The following ELMOD1 variants were observed in gnomAD, a reference collection of about 807,000 sequenced individuals.
ELMOD1 encodes the protein ELMO domain containing 1, also known as ELMO domain-containing protein 1.
Under a neutral mutation model 46.7 loss-of-function variants are expected in ELMOD1, and 21 were observed. The observed-to-expected ratio is 0.45, with a 90% CI of 0.32 to 0.65. The LOEUF is 0.65. Among genes scored for constraint, ELMOD1 ranks in the 30% least tolerant of loss-of-function variants. ELMOD1 has a pLI of 0.04. For synonymous variants in ELMOD1, 122 were observed against 138.2 expected, an observed-to-expected ratio of 0.88 and a Z score of 0.82; for missense variants, 348 against 407.8, an observed-to-expected ratio of 0.85 and a Z score of 1.26.
intron 1 of ELMOD1, among the ~76,000 whole-genome samples, chr11:107,613,542 C>T (rs1865814370): frequency 6.6e-6 from 1 of 152,182 alleles, no homozygotes; most frequent in Non-Finnish European, 1.5e-5. Flanking sequence ...ATATTGGACA[C>T]ATAAACATTC....
In ELMOD1 at chr11:107,628,188, G is replaced by A. The variant is rs977073739; in HGVS notation, c.18-2229G>A. The stretch of plus-strand genomic sequence containing the variant: ...TTTTGTTTTGTTTTGTTTTGTTTGA[G>A]ACAGAGTCTTGCTCTGTCGCCAGGC... On this transcript the variant is annotated intron_variant, in intron 2 of 11. Transcript: ENST00000265840. Among the ~76,000 whole-genome samples the A allele has an allele frequency of 4.0e-5, 6 of 151,608 alleles. No homozygotes were observed. In the South Asian group the frequency reaches 1.3e-3, roughly 32 times the overall value.
At chr11:107,625,400 T>A in intron 2 of ELMOD1, 1 of 982,820 alleles carries the variant, frequency 1.0e-6, no homozygotes, top group Non-Finnish European at 1.2e-6. Flanking sequence ...ATTACAGGAT[T>A]TCTTCAAGCA....
intron 1 of ELMOD1, among the ~76,000 whole-genome samples, chr11:107,594,009 G>A (rs1366866956): frequency 6.6e-6 from 1 of 152,158 alleles, no homozygotes; most frequent in Non-Finnish European, 1.5e-5. Context: ...GGGTATCTCT[G>A]CTTGCTAGGC....
chr11:107,622,380 C>G (rs73557760), intron 2 of ELMOD1, among the ~76,000 whole-genome samples: 7,801 of 152,220 alleles, frequency 0.051, 313 homozygotes, highest in African/African-American at 0.11. Flanking sequence ...AGTTCTTGGT[C>G]ACCTTTGCAA....
chr11:107,598,440 C>A (rs1865531534), intron 1 of ELMOD1, among the ~76,000 whole-genome samples: 1 of 152,218 alleles, frequency 6.6e-6, no homozygotes, highest in South Asian at 2.1e-4. Context: ...GCCACCAATT[C>A]AAATGCTTAT....
rs1468776669 is a variant in ELMOD1, at chr11:107,665,190, A to G, written c.998A>G (p.Asn333Ser). 2.5e-6 allele frequency: 4 copies of G among 1,613,672 alleles called. No homozygotes were observed. The highest frequency in any genetic ancestry group is 3.4e-6 in the Non-Finnish European group (4 of 1,179,810). ...TTTGCTGCCTCGGAAGGTTTAATCA[A>G]CATGTAGTTGCCCACGCCGGTTTTA... ...PHFAASEGLI[N>S]M Residue 333 changes from asparagine (N) to serine (S), a missense_variant, in exon 12 of 12, where the codon AAC becomes AGC. By Grantham distance (46) the Asn-to-Ser change is conservative. Transcript: ENST00000265840.
intron 2 of ELMOD1, among the ~76,000 whole-genome samples, 187 bp downstream of exon 2, chr11:107,618,393 C>T (rs924768580): frequency 1.3e-5 from 2 of 152,140 alleles, no homozygotes; most frequent in African/African-American, 4.8e-5. Flanking sequence ...TATATGCGTG[C>T]TGATGATAAG....
At chr11:107,656,427 TA>T (rs1267405081) in intron 11 of ELMOD1, among the ~76,000 whole-genome samples, 6 of 147,888 alleles carry the variant, frequency 4.1e-5, no homozygotes, top group Admixed American at 1.4e-4. Flanking sequence ...ATATTATATA[TA>T]TAAAAATACA....
intron 11 of ELMOD1, among the ~76,000 whole-genome samples, chr11:107,661,836 T>C (rs1224673821): frequency 6.6e-6 from 1 of 152,206 alleles, no homozygotes; most frequent in African/African-American, 2.4e-5. Context: ...TGGAATATTT[T>C]AGAAGTTTGC....
chr11:107,591,771 CA>C (rs1380666160), intron 1 of ELMOD1: 1 of 457,490 alleles, frequency 2.2e-6, no homozygotes, highest in Non-Finnish European at 4.6e-6. Flanking sequence ...GAAGGCGGGA[CA>C]AGGGCGGCCT....
chr11:107,657,783 C>T (rs1160600228), intron 11 of ELMOD1, among the ~76,000 whole-genome samples: 7 of 152,106 alleles, frequency 4.6e-5, no homozygotes, highest in Admixed American at 4.6e-4. Context: ...AAATCTATCC[C>T]AGGAGAACAG....
intron 6 of ELMOD1, among the ~76,000 whole-genome samples, chr11:107,644,056 T>G (rs1866373523): frequency 1.3e-5 from 2 of 152,264 alleles, no homozygotes; most frequent in South Asian, 4.1e-4. Context: ...GTGGATCACT[T>G]GAGGTCAGGA....
At chr11:107,617,149 A>T (rs921652569) in intron 1 of ELMOD1, among the ~76,000 whole-genome samples, 3 of 152,206 alleles carry the variant, frequency 2.0e-5, no homozygotes, top group African/African-American at 7.2e-5. Context: ...ACAGTCTTAA[A>T]TTGGTGTATA....
Position 107,605,474 on chromosome 11 carries a change from T to C in ELMOD1, c.-85-12631T>C, listed in dbSNP as rs539908806. 2.0e-5 allele frequency among the ~76,000 whole-genome samples: 3 copies of C among 152,338 alleles called. No homozygotes were observed. The South Asian group carries it at 6.2e-4, about 32-fold the overall frequency. ...CCTCAGCCTTCAAAAGTGCTGGGATTATGGGCATAAGCCAGGGCGCCCAGC... is the reference window on the plus strand; with the variant it reads ...CCTCAGCCTTCAAAAGTGCTGGGATCATGGGCATAAGCCAGGGCGCCCAGC... On this transcript the variant is annotated intron_variant, in intron 1 of 11. Transcript: ENST00000265840.
chr11:107,606,037 T>TTTTCTTTCCTTCTC (rs1480342559), intron 1 of ELMOD1, among the ~76,000 whole-genome samples: 2 of 152,238 alleles, frequency 1.3e-5, no homozygotes, highest in African/African-American at 4.8e-5. Flanking sequence ...TTTCTTTTTC[T>TTTTCTTTCCTTCTC]TTTCTTTCCT....
At chr11:107,615,196 G>A (rs1183420953) in intron 1 of ELMOD1, among the ~76,000 whole-genome samples, 1 of 150,792 alleles carries the variant, frequency 6.6e-6, no homozygotes, top group African/African-American at 2.4e-5. Flanking sequence ...ATAGTACAGA[G>A]GGTTCCCTTA....
At chr11:107,603,164 C>G (rs907771988) in intron 1 of ELMOD1, among the ~76,000 whole-genome samples, 1 of 152,214 alleles carries the variant, frequency 6.6e-6, no homozygotes, top group Non-Finnish European at 1.5e-5. Flanking sequence ...TAAATTTCAT[C>G]TCTGCTGATA....
At chr11:107,656,443 A>C (rs992591351) in intron 11 of ELMOD1, among the ~76,000 whole-genome samples, 1 of 147,936 alleles carries the variant, frequency 6.8e-6, no homozygotes, top group African/African-American at 2.5e-5. Context: ...AATACATGAT[A>C]TATATAAAAA....
At chr11:107,638,399 G>A (rs1288394943) in intron 6 of ELMOD1, among the ~76,000 whole-genome samples, 1 of 152,148 alleles carries the variant, frequency 6.6e-6, no homozygotes, top group Non-Finnish European at 1.5e-5. Context: ...GTGATACACT[G>A]CTGTTGTCTT....
Sources: gnomAD v4.1 joint callset for allele counts (sites outside exome capture counted in the v4.1 genomes callset) on GRCh38, gnomAD v4.1.1 for gene constraint, MANE v1.5 for transcripts, NCBI Gene and HGNC (gene_info 2026-07-23, HGNC 2026-07-21) for gene names.